The following ATP11C variants were observed in gnomAD, a reference collection of about 807,000 sequenced individuals.
ATP11C encodes the protein ATPase phospholipid transporting 11C (ATP11C blood group), also known as phospholipid-transporting ATPase IG.
In ATP11C, 36 loss-of-function variants were observed where a neutral mutation model predicts 97.4. That is an observed-to-expected ratio of 0.37 (90% confidence interval 0.28 to 0.49). The LOEUF (loss-of-function observed/expected upper bound fraction) is 0.49. Among genes scored for constraint, ATP11C ranks in the 20% least tolerant of loss-of-function variants. The pLI, the probability that ATP11C is intolerant of heterozygous loss-of-function variation, is 0.98. For synonymous variants in ATP11C, 275 were observed against 290.9 expected, an observed-to-expected ratio of 0.95 and a Z score of 0.56; for missense variants, 730 against 824.6, an observed-to-expected ratio of 0.89 and a Z score of 1.40.
At chrX:139,842,141 C>T in intron 1 of ATP11C, among the ~76,000 whole-genome samples, 1 of 112,711 alleles carries the variant, frequency 8.9e-6, no homozygotes, top group South Asian at 3.6e-4. Flanking sequence ...ACGCCATTCT[C>T]CTGCCTCAGC....
chrX:139,740,935 T>C, intron 27 of ATP11C, 56 bp downstream of exon 27: 1 of 746,334 alleles, frequency 1.3e-6, no homozygotes, highest in Admixed American at 2.3e-5. Flanking sequence ...ATAGTGTACA[T>C]ACACATGTAT....
At position 139,789,388 on chromosome X, in the gene ATP11C, T is replaced by C; in HGVS notation, c.1307A>G (p.Gln436Arg). Residue 436 changes from glutamine (Q) to arginine (R), a missense_variant, in exon 13 of 30, where the codon CAA becomes CGA. Coordinates refer to ENST00000682941, the MANE Select transcript of ATP11C (RefSeq NM_001353812.2). ...AGTTTGAGATAATCCATCAACCTCTTGAGTTACACCTTTATATTTGTGGCC... is the reference window on the plus strand; with the variant it reads ...AGTTTGAGATAATCCATCAACCTCTCGAGTTACACCTTTATATTTGTGGCC... Reference protein sequence around the residue: ...IDGHKYKGVTQEVDGLSQTDG... With the variant: ...IDGHKYKGVTREVDGLSQTDG... 4.1e-6 allele frequency: 5 copies of C among 1,206,629 alleles called. No individual in the cohort carries two copies. The highest frequency in any genetic ancestry group is 5.6e-6 in the Non-Finnish European group (5 of 891,746).
intron 3 of ATP11C, 38 bp downstream of exon 3, chrX:139,819,300 G>T: frequency 1.5e-6 from 1 of 659,440 alleles, no homozygotes; most frequent in South Asian, 4.4e-5. Context: ...AAGCAATCAA[G>T]TTTCTAAAAG....
At chrX:139,890,488 T>C (rs1274457602) in intron 1 of ATP11C, among the ~76,000 whole-genome samples, 1 of 111,509 alleles carries the variant, frequency 9.0e-6, no homozygotes, top group Non-Finnish European at 1.9e-5. Context: ...GCTATGAAAA[T>C]GCCACTGTAC....
At chrX:139,735,444 A>G (rs2081423237) in intron 28 of ATP11C, among the ~76,000 whole-genome samples, 1 of 111,642 alleles carries the variant, frequency 9.0e-6, no homozygotes. Flanking sequence ...ATTTGACCAC[A>G]TCGGGGGATC....
intron 5 of ATP11C, among the ~76,000 whole-genome samples, chrX:139,805,814 C>A (rs1025958298): frequency 7.1e-5 from 8 of 112,012 alleles, no homozygotes; most frequent in Non-Finnish European, 1.1e-4. Context: ...GATTTCAAGA[C>A]CTATTCAGGA....
intron 1 of ATP11C, among the ~76,000 whole-genome samples, chrX:139,840,870 T>C (rs1281724852): frequency 1.9e-5 from 2 of 106,841 alleles, no homozygotes; most frequent in South Asian, 8.0e-4. Context: ...GACTGAAGGG[T>C]GGGAAGGGGG....
chrX:139,832,420 GC>G, intron 1 of ATP11C: 1 of 635,910 alleles, frequency 1.6e-6, no homozygotes, highest in Non-Finnish European at 2.2e-6. Context: ...GGCGGCCTTA[GC>G]CCCATTATTG....
intron 1 of ATP11C, among the ~76,000 whole-genome samples, chrX:139,930,469 T>C (rs2085416176): frequency 9.0e-6 from 1 of 111,649 alleles, no homozygotes. Context: ...AGATTATCCT[T>C]TTCCTAAATA....
intron 18 of ATP11C, among the ~76,000 whole-genome samples, chrX:139,780,881 C>T (rs2148713059): frequency 8.9e-6 from 1 of 111,745 alleles, no homozygotes; most frequent in East Asian, 2.8e-4. Context: ...AATAAGTACA[C>T]ATGGACATAA....
At chrX:139,739,285 T>C (rs1322421729) in intron 27 of ATP11C, among the ~76,000 whole-genome samples, 6 of 110,061 alleles carry the variant, frequency 5.5e-5, no homozygotes, top group Non-Finnish European at 1.1e-4. Context: ...CATCCAGTTG[T>C]TTTTTGTTTT....
intron 13 of ATP11C, among the ~76,000 whole-genome samples, chrX:139,788,848 C>T (rs752354397): frequency 1.9e-4 from 21 of 112,016 alleles, no homozygotes; most frequent in Admixed American, 1.2e-3. Context: ...CTTGTAAATT[C>T]TACTCATTTA....
At chrX:139,734,201 A>C in intron 28 of ATP11C, among the ~76,000 whole-genome samples, 1 of 111,937 alleles carries the variant, frequency 8.9e-6, no homozygotes, top group Admixed American at 9.4e-5. Context: ...TAAGAATCAT[A>C]ATAGTAATCA....
intron 1 of ATP11C, among the ~76,000 whole-genome samples, chrX:139,907,436 T>A (rs1227304335): frequency 9.0e-6 from 1 of 111,490 alleles, no homozygotes; most frequent in Non-Finnish European, 1.9e-5. Context: ...CAGCCTGGAA[T>A]GGTGGATGGC....
intron 20 of ATP11C, among the ~76,000 whole-genome samples, chrX:139,767,383 T>C (rs751603610): frequency 2.4e-4 from 27 of 111,333 alleles, no homozygotes; most frequent in African/African-American, 8.5e-4. Context: ...CAACAGGACA[T>C]GGCGACTATA....
At chrX:139,799,462 C>A (rs759510544) in intron 8 of ATP11C, among the ~76,000 whole-genome samples, 1 of 110,020 alleles carries the variant, frequency 9.1e-6, no homozygotes, top group East Asian at 2.9e-4. Flanking sequence ...AGCCACTTCA[C>A]AACCGAGGAT....
intron 1 of ATP11C, among the ~76,000 whole-genome samples, chrX:139,876,898 C>A (rs2084483372): frequency 8.9e-6 from 1 of 112,432 alleles, no homozygotes; most frequent in Non-Finnish European, 1.9e-5. Context: ...TTAAAATAGA[C>A]AAGAAATGCC....
At chrX:139,856,267 T>G (rs2084088521) in intron 1 of ATP11C, among the ~76,000 whole-genome samples, 1 of 112,741 alleles carries the variant, frequency 8.9e-6, no homozygotes, top group African/African-American at 3.2e-5. Flanking sequence ...CTGCTATATC[T>G]TGAAGTTCGG....
chrX:139,752,534 A>C (rs1462817480), intron 23 of ATP11C, among the ~76,000 whole-genome samples: 1 of 111,787 alleles, frequency 8.9e-6, no homozygotes, highest in Non-Finnish European at 1.9e-5. Context: ...CTTTGTAAGG[A>C]ATGAGTCCTT....
Sources: gnomAD v4.1 joint callset for allele counts (sites outside exome capture counted in the v4.1 genomes callset) on GRCh38, gnomAD v4.1.1 for gene constraint, MANE v1.5 for transcripts, NCBI Gene and HGNC (gene_info 2026-07-23, HGNC 2026-07-21) for gene names.